Variants in PCLO observed in about 807,000 individuals in gnomAD.
PCLO encodes piccolo presynaptic cytomatrix protein, also known as protein piccolo.
Under a neutral mutation model 427.5 loss-of-function variants are expected in PCLO, and 82 were observed. That is an observed-to-expected ratio of 0.19 (90% CI 0.16 to 0.23). PCLO has a LOEUF of 0.23. Among genes scored for constraint, PCLO ranks in the 10% least tolerant of loss-of-function variants. The pLI, the probability that PCLO is intolerant of heterozygous loss-of-function variation, is 1.00. For synonymous variants in PCLO, 2,357 were observed against 2,155.4 expected, an observed-to-expected ratio of 1.09 and a Z score of -2.59; for missense variants, 6,239 against 6,115.9, an observed-to-expected ratio of 1.02 and a Z score of -0.67.
intron 8 of PCLO, among the ~76,000 whole-genome samples, chr7:82,904,556 C>G (rs1417361573): frequency 1.3e-5 from 2 of 151,986 alleles, no homozygotes; most frequent in African/African-American, 4.8e-5. Flanking sequence ...CTTCTAATCT[C>G]AGGTATTAGT....
chr7:83,122,505 C>T (rs1043001811), intron 3 of PCLO, among the ~76,000 whole-genome samples: 2 of 151,998 alleles, frequency 1.3e-5, no homozygotes, highest in African/African-American at 2.4e-5. Flanking sequence ...AGGTTGGTCT[C>T]GAACTGCTGA....
At chr7:83,038,183 AAC>A (rs1394025339) in intron 3 of PCLO, among the ~76,000 whole-genome samples, 2 of 136,720 alleles carry the variant, frequency 1.5e-5, no homozygotes, top group East Asian at 5.5e-4. Context: ...ACATACATAT[AAC>A]ACATATCCAT....
rs1341035897 is a variant in PCLO at position 82,965,774 on chromosome 7, T to G, written c.4014A>C (p.Lys1338Asn). 8.9e-6 allele frequency: 14 copies of G among 1,578,892 alleles called. No homozygotes were observed. The South Asian group carries it at 1.1e-4, about 12-fold the overall frequency. Residue 1338 changes from lysine to asparagine, a missense_variant, in exon 4 of 25, where the codon AAA becomes AAC. Coordinates refer to ENST00000333891, the MANE Select transcript of PCLO (RefSeq NM_033026.6). ...KPDQVEPGKE[K>N]TEKEDDKSDT... ...AAGTTAGTAAAATTTAACTTACTGT[T>G]TTTTCTTTCCCAGGTTCCACCTGAT...
intron 3 of PCLO, among the ~76,000 whole-genome samples, chr7:82,983,081 T>A (rs907452078): frequency 1.3e-5 from 2 of 151,716 alleles, no homozygotes; most frequent in African/African-American, 4.8e-5. Flanking sequence ...AAATTTAAGA[T>A]ATTTTAAAAT....
chr7:82,840,837 C>T (rs529879892), intron 14 of PCLO, among the ~76,000 whole-genome samples: 2 of 151,920 alleles, frequency 1.3e-5, no homozygotes, highest in African/African-American at 2.4e-5. Flanking sequence ...GTCTAAATTA[C>T]TTCTTGGTAT....
chr7:83,045,712 A>G (rs1478951728), intron 3 of PCLO, among the ~76,000 whole-genome samples: 1 of 152,128 alleles, frequency 6.6e-6, no homozygotes, highest in Non-Finnish European at 1.5e-5. Context: ...TTTCCTAGAA[A>G]TATAGAAAAA....
Position 82,803,435 on chromosome 7 carries a change from C to G in PCLO, c.14934-1844G>C, listed in dbSNP as rs546031786. On this transcript the variant is annotated intron_variant, in intron 21 of 24. Transcript: ENST00000333891. Reference sequence around the variant, plus strand: ...ATAATTTTTGGGGTTGTTCTTGAGTCTTAGACTTTATATGTTAATGGTGAT... The same window carrying G: ...ATAATTTTTGGGGTTGTTCTTGAGTGTTAGACTTTATATGTTAATGGTGAT... Among the ~76,000 whole-genome samples, 4 of 152,162 alleles carry G rather than the reference C, an allele frequency of 2.6e-5. No homozygotes were observed. The East Asian group carries it at 7.7e-4, about 29-fold the overall frequency.
chr7:82,842,698 A>G (rs1792397547), intron 13 of PCLO, among the ~76,000 whole-genome samples: 1 of 152,144 alleles, frequency 6.6e-6, no homozygotes, highest in African/African-American at 2.4e-5. Context: ...AGAAAGTCAA[A>G]CAACTCAACA....
At chr7:82,993,311 A>G (rs1237237140) in intron 3 of PCLO, among the ~76,000 whole-genome samples, 3 of 152,034 alleles carry the variant, frequency 2.0e-5, no homozygotes, top group Non-Finnish European at 4.4e-5. Flanking sequence ...CCTTGTCTAC[A>G]AAGATATTTT....
At chr7:83,040,631 C>T (rs536419747) in intron 3 of PCLO, among the ~76,000 whole-genome samples, 1 of 152,264 alleles carries the variant, frequency 6.6e-6, no homozygotes, top group African/African-American at 2.4e-5. Context: ...ACAGTTCAGC[C>T]TACATCTCTA....
At chr7:83,094,210 C>CTGTTTTTTTTTTTTTTTTTTTT in intron 3 of PCLO, among the ~76,000 whole-genome samples, 1 of 126,020 alleles carries the variant, frequency 7.9e-6, no homozygotes, top group Non-Finnish European at 1.6e-5. Flanking sequence ...ATTTTTTTTT[C>CTGTTTTTTTTTTTTTTTTTTTT]TTTTTTTTTT....
chr7:83,094,211 T>TG (rs1554395828), intron 3 of PCLO, among the ~76,000 whole-genome samples: 16 of 31,742 alleles, frequency 5.0e-4, no homozygotes, highest in Non-Finnish European at 8.4e-4. Flanking sequence ...TTTTTTTTTC[T>TG]TTTTTTTTTT....
chr7:82,956,048 T>A lies in PCLO; in HGVS notation c.4905A>T (p.Glu1635Asp). The change falls in exon 5 of 25, where the codon GAA becomes GAT. Residue 1635 changes from glutamate (E) to aspartate (D), a missense_variant. Physicochemically the swap from Glu to Asp is conservative, Grantham distance 45. This residue lies in a region of PCLO where 4,677 missense variants were observed against 4,468.4 expected (regional missense o/e 1.05). Coordinates refer to ENST00000333891, the MANE Select transcript of PCLO (RefSeq NM_033026.6). The stretch of plus-strand genomic sequence containing the variant: ...TAAGTTCAGGACTTTCATCAAATGC[T>A]TCATCGTCTTCATCATGCCATGAGT... ...RRHSWHDEDD[E>D]AFDESPELKY... 2 of 1,612,842 alleles carry A rather than the reference T, an allele frequency of 1.2e-6. No homozygotes were observed. The highest frequency in any genetic ancestry group is 1.7e-6 in the Non-Finnish European group (2 of 1,179,870).
At chr7:82,999,918 A>G (rs575321543) in intron 3 of PCLO, among the ~76,000 whole-genome samples, 2 of 135,446 alleles carry the variant, frequency 1.5e-5, no homozygotes, top group Non-Finnish European at 3.1e-5. Context: ...CAAAGAAAAG[A>G]AGAGAGAAAG....
At chr7:82,979,336 G>A (rs868298933) in intron 3 of PCLO, among the ~76,000 whole-genome samples, 1 of 152,108 alleles carries the variant, frequency 6.6e-6, no homozygotes, top group Non-Finnish European at 1.5e-5. Flanking sequence ...TTGAAAACAT[G>A]ATTTTTATTG....
chr7:83,052,955 C>A (rs1789289709), intron 3 of PCLO, among the ~76,000 whole-genome samples: 2 of 151,982 alleles, frequency 1.3e-5, no homozygotes, highest in Admixed American at 6.6e-5. Context: ...TCATCCTCTA[C>A]ACTGCTGTCT....
chr7:82,862,818 G>A (rs1159967547), intron 10 of PCLO, among the ~76,000 whole-genome samples: 1 of 151,910 alleles, frequency 6.6e-6, no homozygotes, highest in Non-Finnish European at 1.5e-5. Context: ...TTGAACTCAT[G>A]GATATAGAGA....
In PCLO at chr7:82,953,047, C is replaced by T. The variant is rs2116437620; in HGVS notation, c.7906G>A (p.Glu2636Lys). Residue 2636 changes from glutamate to lysine, a missense_variant, in exon 5 of 25, where the codon GAA (glutamate) becomes AAA (lysine). By Grantham distance (56) the Glu-to-Lys change is moderately conservative. Transcript: ENST00000333891. ...GCTCCAGAGATGTAGAAGGTCTGTT[C>T]TGAAGAAATTGGAATTTCTACAGCT... Reference protein sequence around the residue: ...VTAVEIPISSEQTFYISGALQ... With the variant: ...VTAVEIPISSKQTFYISGALQ... 6.2e-7 allele frequency: 1 copy of T among 1,613,932 alleles called. No individual in the cohort carries two copies. The highest frequency in any genetic ancestry group is 8.5e-7 in the Non-Finnish European group (1 of 1,179,864).
chr7:82,981,220 A>G (rs1796140016), intron 3 of PCLO, among the ~76,000 whole-genome samples: 1 of 151,978 alleles, frequency 6.6e-6, no homozygotes. Flanking sequence ...AGGGACATAT[A>G]ATGATAAACT....
Sources: gnomAD v4.1 joint callset for allele counts (sites outside exome capture counted in the v4.1 genomes callset) on GRCh38, gnomAD v4.1.1 for gene constraint, gnomAD v4.1.1 regional missense constraint, MANE v1.5 for transcripts, NCBI Gene and HGNC (gene_info 2026-07-23, HGNC 2026-07-21) for gene names.